Variants in PTPRN2 observed in about 807,000 individuals in gnomAD.
PTPRN2 encodes the protein protein tyrosine phosphatase receptor type N2.
In PTPRN2, 74 loss-of-function variants were observed where a neutral mutation model predicts 118.8. That is an observed-to-expected ratio of 0.62 (90% CI 0.52 to 0.76). The LOEUF (loss-of-function observed/expected upper bound fraction) is 0.76. Among genes scored for constraint, PTPRN2 ranks in the 30% least tolerant of loss-of-function variants. The pLI is 0.00. For missense variants in PTPRN2, 1,481 were observed against 1,394.4 expected, an observed-to-expected ratio of 1.06 and a Z score of -0.99; for synonymous variants, 641 against 608.0, an observed-to-expected ratio of 1.05 and a Z score of -0.80.
intron 5 of PTPRN2, among the ~76,000 whole-genome samples, chr7:158,183,552 T>G (rs922486678): frequency 2.6e-5 from 4 of 152,248 alleles, no homozygotes; most frequent in African/African-American, 9.6e-5. Context: ...CAAGGTCCCC[T>G]GTGAGGCAGA....
chr7:157,982,147 AACCCCGAGTCACAG>A (rs1239851080), intron 11 of PTPRN2, among the ~76,000 whole-genome samples: 3 of 126,984 alleles, frequency 2.4e-5, no homozygotes, highest in Non-Finnish European at 5.4e-5. Context: ...GTCCCCCATA[AACCCCGAGTCACAG>A]AGATGAGGAG....
At position 158,015,774 on chromosome 7, in the gene PTPRN2, A is replaced by G. The variant is rs1212631471; in HGVS notation, c.1723+65524T>C. ...ACATGTCTGTCTATTACAATTGTCT[A>G]ATGGTCCCAGGTCCAACACTAAGGG... On this transcript the variant is annotated intron_variant, in intron 11 of 22. Transcript: ENST00000389418. This position sits in a 1 kb window ranked among gnomAD's most constrained non-coding sequence, Gnocchi z 4.2. Among the ~76,000 whole-genome samples the G allele has an allele frequency of 1.3e-5, 2 of 152,248 alleles. No individual in the cohort carries two copies. The highest frequency in any genetic ancestry group is 2.9e-5 in the Non-Finnish European group (2 of 68,044).
chr7:158,337,696 C>T (rs201979102), intron 2 of PTPRN2, among the ~76,000 whole-genome samples: 1 of 126,962 alleles, frequency 7.9e-6, no homozygotes, highest in Non-Finnish European at 1.8e-5. Context: ...CACACCCACA[C>T]TCTCACCATA....
At chr7:157,907,016 C>G (rs964034478) in intron 11 of PTPRN2, among the ~76,000 whole-genome samples, 4 of 152,254 alleles carry the variant, frequency 2.6e-5, no homozygotes, top group African/African-American at 7.2e-5. Flanking sequence ...TCCTGACACC[C>G]TGACACCTGT....
At chr7:158,440,954 T>TG (rs1168110328) in intron 2 of PTPRN2, among the ~76,000 whole-genome samples, 1 of 140,710 alleles carries the variant, frequency 7.1e-6, no homozygotes, top group East Asian at 2.1e-4. Context: ...ATGATGGTGA[T>TG]GGGGTAGTAG....
intron 11 of PTPRN2, among the ~76,000 whole-genome samples, chr7:157,968,005 C>A (rs1802063083): frequency 6.6e-6 from 1 of 152,194 alleles, no homozygotes; most frequent in African/African-American, 2.4e-5. Flanking sequence ...TGGCTTCATT[C>A]TTCAGTATCT....
chr7:157,642,096 T>G (rs1480651174), intron 14 of PTPRN2, among the ~76,000 whole-genome samples: 4 of 152,124 alleles, frequency 2.6e-5, no homozygotes, highest in Non-Finnish European at 5.9e-5. Context: ...CGCCCGACAC[T>G]CCCGTCAAGG....
chr7:157,912,198 C>A (rs1798142381), intron 11 of PTPRN2, among the ~76,000 whole-genome samples: 1 of 152,236 alleles, frequency 6.6e-6, no homozygotes, highest in Admixed American at 6.5e-5. Flanking sequence ...TTGGTTTAAG[C>A]TTTAAACACT....
chr7:157,887,462 C>T (rs77492442), intron 12 of PTPRN2, among the ~76,000 whole-genome samples: 5,797 of 81,758 alleles, frequency 0.071, 457 homozygotes, highest in East Asian at 0.12. Context: ...CTCCAGTACC[C>T]GCTCCCCCCA....
chr7:158,431,378 G>A (rs1312036594), intron 2 of PTPRN2, among the ~76,000 whole-genome samples: 1 of 144,826 alleles, frequency 6.9e-6, no homozygotes, highest in Non-Finnish European at 1.5e-5. Flanking sequence ...GCACACACCA[G>A]GCACACTGGC....
At chr7:158,469,678 T>C (rs1047566328) in intron 2 of PTPRN2, among the ~76,000 whole-genome samples, 1 of 143,008 alleles carries the variant, frequency 7.0e-6, no homozygotes, top group African/African-American at 2.7e-5. Context: ...TCCTCAATCA[T>C]TAAAAACACC....
At chr7:158,343,645 C>A (rs1271827992) in intron 2 of PTPRN2, among the ~76,000 whole-genome samples, 1 of 142,236 alleles carries the variant, frequency 7.0e-6, no homozygotes. Context: ...TGGAATCAGC[C>A]CCATTTCTGA....
rs1800337447 is a variant in PTPRN2, at chr7:157,944,389, G to C, written c.1724-45652C>G. ...GAACCTTGGAATCAATACAATGCAG[G>C]GTAGAGCAATTCATTTGAATTAATG... On this transcript the variant is annotated intron_variant, in intron 11 of 22. Transcript: ENST00000389418. This position sits in a 1 kb window ranked among gnomAD's most constrained non-coding sequence, Gnocchi z 4.3. Among the ~76,000 whole-genome samples the C allele has an allele frequency of 6.6e-6, 1 of 152,080 alleles. No individual in the cohort carries two copies.
At chr7:158,224,721 A>C (rs1433159509) in intron 3 of PTPRN2, among the ~76,000 whole-genome samples, 1 of 152,230 alleles carries the variant, frequency 6.6e-6, no homozygotes, top group African/African-American at 2.4e-5. Flanking sequence ...AGAAAAATTG[A>C]CAAATTGGCC....
chr7:157,938,965 C>T (rs556697344), intron 11 of PTPRN2, among the ~76,000 whole-genome samples: 8 of 152,336 alleles, frequency 5.3e-5, no homozygotes, highest in East Asian at 3.9e-4. Context: ...ATGATCCACA[C>T]GGGCTACGAG....
At chr7:157,901,445 C>T (rs780754234) in intron 11 of PTPRN2, among the ~76,000 whole-genome samples, 1 of 152,066 alleles carries the variant, frequency 6.6e-6, no homozygotes, top group Non-Finnish European at 1.5e-5. Flanking sequence ...ACCATGCAGA[C>T]GTGGAGGACA....
chr7:158,121,494 C>G (rs1237328354), intron 9 of PTPRN2, among the ~76,000 whole-genome samples: 2 of 152,226 alleles, frequency 1.3e-5, no homozygotes, highest in Admixed American at 6.5e-5. Flanking sequence ...CCTACTGCCC[C>G]CTGCGGAGCA....
chr7:157,558,746 C>T (rs1386484388), intron 21 of PTPRN2, among the ~76,000 whole-genome samples: 3 of 152,234 alleles, frequency 2.0e-5, no homozygotes, highest in Non-Finnish European at 2.9e-5. Context: ...CTGGCAGGAT[C>T]CCTCCTGCAG....
intron 2 of PTPRN2, among the ~76,000 whole-genome samples, chr7:158,368,486 G>A (rs1235245529): frequency 6.6e-6 from 1 of 152,224 alleles, no homozygotes; most frequent in Non-Finnish European, 1.5e-5. Context: ...CATACATGAT[G>A]GAAGCCGACA....
Sources: allele counts gnomAD v4.1 joint callset (sites outside exome capture counted in the v4.1 genomes callset), GRCh38; gene constraint gnomAD v4.1.1; non-coding constraint Gnocchi (gnomAD v3.1); transcripts MANE v1.5; gene names NCBI Gene and HGNC (gene_info 2026-07-23, HGNC 2026-07-21).